CALB1: variants seen among roughly 807,000 people sequenced by gnomAD.
CALB1 encodes calbindin.
Under a neutral mutation model 46.7 loss-of-function variants are expected in CALB1, and 16 were observed. The observed-to-expected ratio is 0.34, with a 90% CI of 0.23 to 0.52. The LOEUF (loss-of-function observed/expected upper bound fraction) is 0.52, where lower values mean the gene tolerates loss of function less well. CALB1 is among the 20% of genes least tolerant of loss of function. CALB1 has a pLI of 0.95. For missense variants in CALB1, 224 were observed against 300.3 expected, an observed-to-expected ratio of 0.75 and a Z score of 1.88; for synonymous variants, 90 against 112.8, an observed-to-expected ratio of 0.80 and a Z score of 1.28.
chr8:90,072,635 A>G (rs1484678572), intron 3 of CALB1, among the ~76,000 whole-genome samples: 2 of 152,210 alleles, frequency 1.3e-5, no homozygotes, highest in Non-Finnish European at 2.9e-5. Context: ...CGTATGAATC[A>G]ATATTCAAGT....
At chr8:90,080,571 T>G (rs1421800337) in intron 2 of CALB1, among the ~76,000 whole-genome samples, 3 of 151,950 alleles carry the variant, frequency 2.0e-5, no homozygotes, top group Non-Finnish European at 4.4e-5. Context: ...TTGCATAAAT[T>G]TATTTACATG....
Position 90,082,194 on chromosome 8 carries a change from C to T in CALB1, c.80-92G>A, listed in dbSNP as rs562047025. On this transcript the variant is annotated intron_variant, in intron 1 of 10. Transcript: ENST00000265431. ...CAAGACAGTTATCTTTCTGGCGACC[C>T]GAGAGGCTCTCTCTTGCCTGGACGT... The T allele has an allele frequency of 3.1e-5, 35 of 1,123,142 alleles. No individual in the cohort carries two copies. The South Asian group carries it at 4.2e-4, about 14-fold the overall frequency. 69.6% of individuals were successfully genotyped at this position (1,123,142 alleles called of 1,614,324 possible).
chr8:90,075,602 A>G (rs938589772), intron 3 of CALB1, among the ~76,000 whole-genome samples: 1 of 152,178 alleles, frequency 6.6e-6, no homozygotes, highest in African/African-American at 2.4e-5. Context: ...ACTTCATTTA[A>G]TACAGCTTTC....
rs753300591 is a variant in CALB1 at position 90,078,377 on chromosome 8, A to G, written c.227T>C (p.Val76Ala). 82 of 1,572,112 alleles carry G rather than the reference A, an allele frequency of 5.2e-5. No individual in the cohort carries two copies. The highest frequency in any genetic ancestry group is 6.3e-5 in the Non-Finnish European group (73 of 1,151,848). ...AAAAATGCATAAATTCCTTACCTCTACAATTCCTATTTTTCCATCATCTCT... is the reference window on the plus strand; with the variant it reads ...AAAAATGCATAAATTCCTTACCTCTGCAATTCCTATTTTTCCATCATCTCT... ...GQRDDGKIGI[V>A]ELAHVLPTEE... The change falls in exon 3 of 11, where the codon GTA becomes GCA. Residue 76 changes from valine (V) to alanine (A), a missense_variant. By Grantham distance (64) the Val-to-Ala change is moderately conservative (BLOSUM62 0). Transcript: ENST00000265431.
intron 3 of CALB1, among the ~76,000 whole-genome samples, chr8:90,076,188 T>C (rs569905644): frequency 6.6e-6 from 1 of 152,094 alleles, no homozygotes; most frequent in Non-Finnish European, 1.5e-5. Flanking sequence ...CCCAAATAAC[T>C]TCTCTGCAGA....
chr8:90,082,735 G>C lies in CALB1; in HGVS notation c.-38C>G, dbSNP rs374370017. 1 of 1,571,110 alleles carries C rather than the reference G, an allele frequency of 6.4e-7. No homozygotes were observed. The highest frequency in any genetic ancestry group is 1.7e-5 in the Admixed American group (1 of 59,964). On this transcript the variant is annotated 5_prime_UTR_variant, in exon 1 of 11. Transcript: ENST00000265431. ...TGTGTGTCTGGGTGTGTGAATATGC[G>C]TGTGTCTGTGTCCGCGCGAGGGGGA...
At chr8:90,067,346 A>C (rs1814418365) in intron 5 of CALB1, among the ~76,000 whole-genome samples, 1 of 152,166 alleles carries the variant, frequency 6.6e-6, no homozygotes, top group South Asian at 2.1e-4. Flanking sequence ...TCTCTTTCTG[A>C]GAATAAAATT....
At chr8:90,071,055 G>T (rs1052571470) in intron 3 of CALB1, among the ~76,000 whole-genome samples, 1 of 152,122 alleles carries the variant, frequency 6.6e-6, no homozygotes, top group Non-Finnish European at 1.5e-5. Context: ...GTTGAATGAT[G>T]ACCTGATGAT....
At position 90,078,417 on chromosome 8, in the gene CALB1, C is replaced by G; in HGVS notation, c.187G>C (p.Asp63His). Residue 63 changes from aspartate to histidine, a missense_variant, in exon 3 of 11, where the codon GAT becomes CAT. Asp to His is a moderately conservative substitution (Grantham distance 81). Transcript: ENST00000265431. Reference sequence around the variant, plus strand: ...CCATCATCTCTTTGCCCATACTGATCCACAAAAGTTTTCATTTCAGGTGAT... The same window carrying G: ...CCATCATCTCTTTGCCCATACTGATGCACAAAAGTTTTCATTTCAGGTGAT... Reference protein sequence around the residue: ...ELSPEMKTFVDQYGQRDDGKI... With the variant: ...ELSPEMKTFVHQYGQRDDGKI... 6.3e-7 allele frequency: 1 copy of G among 1,594,430 alleles called. No individual in the cohort carries two copies. The highest frequency in any genetic ancestry group is 1.1e-5 in the South Asian group (1 of 88,818).
intron 5 of CALB1, 152 bp downstream of exon 5, chr8:90,068,846 G>T: frequency 1.8e-6 from 1 of 560,422 alleles, no homozygotes; most frequent in Non-Finnish European, 3.1e-6. Flanking sequence ...TTTTTGATCT[G>T]GTACTTCATT....
At chr8:90,063,180 T>A (rs1157988369) in intron 8 of CALB1, 27 bp from the exon 9 acceptor site, 1 of 1,565,548 alleles carries the variant, frequency 6.4e-7, no homozygotes. Context: ...GAGTAAATGT[T>A]AAAATGTTAT....
At chr8:90,064,529 G>A (rs1364009992) in intron 6 of CALB1, 1 of 151,782 alleles carries the variant, frequency 6.6e-6, no homozygotes, top group African/African-American at 2.4e-5. Flanking sequence ...CAATCCAACA[G>A]AGGGAAACTC....
intron 3 of CALB1, among the ~76,000 whole-genome samples, chr8:90,069,549 T>C (rs924302646): frequency 6.6e-6 from 1 of 152,210 alleles, no homozygotes; most frequent in Non-Finnish European, 1.5e-5. Flanking sequence ...CCTCGTGGCT[T>C]GAACCCTTCA....
At chr8:90,063,005 G>T (rs1405409432) in intron 9 of CALB1, 95 bp downstream of exon 9, 3 of 772,340 alleles carry the variant, frequency 3.9e-6, no homozygotes, top group Non-Finnish European at 4.4e-6. Flanking sequence ...TCTATAGTTT[G>T]CAGTACTGTA....
chr8:90,060,361 T>A, intron 10 of CALB1, 75 bp from the exon 11 acceptor site: 1 of 925,708 alleles, frequency 1.1e-6, no homozygotes, highest in Non-Finnish European at 1.8e-6. Context: ...TGATAAAATG[T>A]GAGATGAAAC....
intron 3 of CALB1, among the ~76,000 whole-genome samples, chr8:90,072,368 G>C (rs1814541105): frequency 6.6e-6 from 1 of 152,072 alleles, no homozygotes; most frequent in African/African-American, 2.4e-5. Context: ...TACTGCTTTG[G>C]TTTTATACTT....
intron 9 of CALB1, chr8:90,061,025 C>A: frequency 3.9e-6 from 1 of 254,298 alleles, no homozygotes; most frequent in Non-Finnish European, 7.5e-6. Context: ...GGCTCTATGT[C>A]ACACCAGGGT....
intron 2 of CALB1, among the ~76,000 whole-genome samples, chr8:90,080,563 G>A (rs1814710584): frequency 6.6e-6 from 1 of 151,854 alleles, no homozygotes; most frequent in South Asian, 2.1e-4. Context: ...TGACAGTATT[G>A]CATAAATTTA....
At position 90,065,978 on chromosome 8, in the gene CALB1, G is replaced by T; in HGVS notation, c.373-3C>A. The T allele has an allele frequency of 6.3e-7, 1 of 1,593,942 alleles. No homozygotes were observed. The stretch of plus-strand genomic sequence containing the variant: ...TCTAGCAGGTCCTTTAGAAAGTTCT[G>T]TTAAAACAAAGAACACTTAGATTAA... On this transcript the variant is annotated splice_polypyrimidine_tract_variant and splice_region_variant and intron_variant, in intron 5 of 10. Coordinates refer to ENST00000265431, the MANE Select transcript of CALB1 (RefSeq NM_004929.4).
Sources: gnomAD v4.1 joint callset for allele counts (sites outside exome capture counted in the v4.1 genomes callset) on GRCh38, gnomAD v4.1.1 for gene constraint, MANE v1.5 for transcripts, NCBI Gene and HGNC (gene_info 2026-07-23, HGNC 2026-07-21) for gene names.